Variants in DOCK4 observed in about 807,000 individuals in gnomAD.
The protein encoded by DOCK4 is dedicator of cytokinesis protein 4.
In DOCK4, 97 loss-of-function variants were observed where a neutral mutation model predicts 268.1. The ratio of observed to expected loss-of-function variants is 0.36; its 90% CI spans 0.31 to 0.43. The LOEUF (loss-of-function observed/expected upper bound fraction) is 0.43. Ranked by LOEUF, DOCK4 falls within the 20% of genes least tolerant of loss-of-function variation. DOCK4 has a pLI of 1.00. For missense variants in DOCK4, 2,145 were observed against 2,455.7 expected, an observed-to-expected ratio of 0.87 and a Z score of 2.67; for synonymous variants, 954 against 887.2, an observed-to-expected ratio of 1.08 and a Z score of -1.34.
At chr7:112,034,629 G>A (rs140640687) in intron 1 of DOCK4, among the ~76,000 whole-genome samples, 4 of 152,328 alleles carry the variant, frequency 2.6e-5, no homozygotes, top group South Asian at 2.1e-4. Context: ...GGCCAGATGC[G>A]GTGGCTCACG....
rs764375910 is a variant in DOCK4 at position 111,863,478 on chromosome 7, G to T, written c.2367C>A (p.Asp789Glu). Reference sequence around the variant, plus strand: ...GGATGGTCGGCAGACTGCCCAGGGTGTCCTGGACCAAGTTGGCTACTTCCC... The same window carrying T: ...GGATGGTCGGCAGACTGCCCAGGGTTTCCTGGACCAAGTTGGCTACTTCCC... Reference protein sequence around the residue: ...DVREVANLVQDTLGSLPTILH... With the variant: ...DVREVANLVQETLGSLPTILH... Residue 789 changes from aspartate to glutamate, a missense_variant, in exon 23 of 53, where the codon GAC becomes GAA. Around this residue, in one of 2 missense-constraint regions of DOCK4, gnomAD observed 1,598 missense variants for 1,986.7 expected, o/e 0.80. Coordinates refer to ENST00000428084, the MANE Select transcript of DOCK4 (RefSeq NM_001363540.2). 1 of 1,613,974 alleles carries T rather than the reference G, an allele frequency of 6.2e-7. No individual in the cohort carries two copies. Among genetic ancestry groups the T allele is most frequent in the Admixed American group, 1.7e-5 (1 of 60,020 alleles).
At chr7:112,165,523 C>CGTGTGTGTGTGT (rs112020512) in intron 1 of DOCK4, among the ~76,000 whole-genome samples, 2 of 126,472 alleles carry the variant, frequency 1.6e-5, no homozygotes, top group Non-Finnish European at 3.6e-5. Context: ...GAATAGTATA[C>CGTGTGTGTGTGT]GTGTGTGTGT....
At chr7:111,763,762 G>A (rs1300010608) in intron 39 of DOCK4, among the ~76,000 whole-genome samples, 1 of 151,982 alleles carries the variant, frequency 6.6e-6, no homozygotes, top group Non-Finnish European at 1.5e-5. Flanking sequence ...CCTGGATCCA[G>A]GCCATCTGCA....
intron 51 of DOCK4, among the ~76,000 whole-genome samples, chr7:111,734,045 C>A (rs1795298351): frequency 6.6e-6 from 1 of 152,146 alleles, no homozygotes; most frequent in Non-Finnish European, 1.5e-5. Context: ...TCAAGCAATT[C>A]TCCCACCTAA....
At chr7:112,152,140 G>A (rs749826353) in intron 1 of DOCK4, among the ~76,000 whole-genome samples, 48 of 152,094 alleles carry the variant, frequency 3.2e-4, no homozygotes, top group Non-Finnish European at 5.0e-4. Flanking sequence ...AAAGGCACAT[G>A]CTCAACTTTA....
At chr7:112,151,951 A>G (rs75631364) in intron 1 of DOCK4, among the ~76,000 whole-genome samples, 24,155 of 149,200 alleles carry the variant, frequency 0.16, 2,541 homozygotes, top group Non-Finnish European at 0.24. Context: ...CTAGAGCACC[A>G]AACTGTTATT....
intron 1 of DOCK4, among the ~76,000 whole-genome samples, chr7:112,094,243 C>G (rs1002835509): frequency 6.6e-6 from 1 of 151,942 alleles, no homozygotes; most frequent in Non-Finnish European, 1.5e-5. Context: ...ACAATGGTAT[C>G]AGGTCAGGGC....
intron 1 of DOCK4, among the ~76,000 whole-genome samples, chr7:112,044,677 G>T (rs1428533226): frequency 6.6e-6 from 1 of 151,910 alleles, no homozygotes; most frequent in Non-Finnish European, 1.5e-5. Context: ...ATCCCACCAC[G>T]TTCTTACTCA....
intron 27 of DOCK4, 138 bp downstream of exon 27, chr7:111,822,224 G>C (rs1802038690): frequency 3.1e-6 from 2 of 640,130 alleles, no homozygotes; most frequent in Non-Finnish European, 5.4e-6. Context: ...TTCTAAACAA[G>C]TGGTAACATT....
At chr7:111,835,567 G>A (rs560222600) in intron 25 of DOCK4, among the ~76,000 whole-genome samples, 6 of 152,272 alleles carry the variant, frequency 3.9e-5, no homozygotes, top group African/African-American at 1.4e-4. Flanking sequence ...GCAACCTTTT[G>A]TGCTCAGCAA....
At chr7:111,825,432 G>A (rs1802321250) in intron 26 of DOCK4, among the ~76,000 whole-genome samples, 1 of 150,656 alleles carries the variant, frequency 6.6e-6, no homozygotes, top group Admixed American at 6.6e-5. Flanking sequence ...TCCTCTCCGA[G>A]TACTTTTCAA....
chr7:112,191,510 G>C (rs1256112695), intron 1 of DOCK4, among the ~76,000 whole-genome samples: 2 of 152,030 alleles, frequency 1.3e-5, no homozygotes, highest in African/African-American at 4.8e-5. Context: ...CAATGCTAGA[G>C]TAAAAAGACA....
chr7:111,885,918 T>C (rs1807802200), intron 16 of DOCK4, among the ~76,000 whole-genome samples: 1 of 152,194 alleles, frequency 6.6e-6, no homozygotes, highest in Admixed American at 6.5e-5. Flanking sequence ...TCACAGTGTA[T>C]TTCTTTCTCT....
chr7:111,918,956 A>T (rs1792860108), intron 12 of DOCK4, among the ~76,000 whole-genome samples: 1 of 152,186 alleles, frequency 6.6e-6, no homozygotes, highest in South Asian at 2.1e-4. Flanking sequence ...ATCATGTGGT[A>T]TACATAAAGG....
At chr7:112,008,820 C>G (rs552828983) in intron 1 of DOCK4, among the ~76,000 whole-genome samples, 1 of 152,244 alleles carries the variant, frequency 6.6e-6, no homozygotes, top group South Asian at 2.1e-4. Flanking sequence ...ATGGCGAAAC[C>G]CCGTCTCTAC....
At chr7:112,059,288 G>T (rs1174544948) in intron 1 of DOCK4, among the ~76,000 whole-genome samples, 1 of 151,674 alleles carries the variant, frequency 6.6e-6, no homozygotes, top group Non-Finnish European at 1.5e-5. Flanking sequence ...GATTACAGGT[G>T]CACACCACCA....
intron 1 of DOCK4, among the ~76,000 whole-genome samples, chr7:112,086,625 T>C (rs549917169): frequency 7.9e-5 from 12 of 152,188 alleles, no homozygotes; most frequent in Admixed American, 5.9e-4. Context: ...TGGTTTCCCA[T>C]TAGGATCAGA....
At chr7:112,043,634 G>C (rs902294224) in intron 1 of DOCK4, among the ~76,000 whole-genome samples, 2 of 151,980 alleles carry the variant, frequency 1.3e-5, no homozygotes, top group Non-Finnish European at 2.9e-5. Context: ...CAATAGAGCA[G>C]AGCATGCTAC....
intron 1 of DOCK4, among the ~76,000 whole-genome samples, chr7:112,081,098 C>A (rs546053047): frequency 6.6e-6 from 1 of 152,000 alleles, no homozygotes; most frequent in Admixed American, 6.6e-5. Context: ...GATGAGCCAG[C>A]AACAAAAATA....
Sources: allele counts gnomAD v4.1 joint callset (sites outside exome capture counted in the v4.1 genomes callset), GRCh38; gene constraint gnomAD v4.1.1; regional missense constraint gnomAD v4.1.1; transcripts MANE v1.5; gene names NCBI Gene and HGNC (gene_info 2026-07-23, HGNC 2026-07-21).